TTLL5: variants seen among roughly 807,000 people sequenced by gnomAD.
TTLL5 encodes the protein tubulin polyglutamylase TTLL5.
A neutral mutation model predicts 168.4 loss-of-function variants in TTLL5; 132 were observed. That is an observed-to-expected ratio of 0.78 (90% confidence interval 0.68 to 0.91). TTLL5 has a LOEUF of 0.91. Ranked by LOEUF, TTLL5 falls within the 40% of genes least tolerant of loss-of-function variation. The pLI, the probability that TTLL5 is intolerant of heterozygous loss-of-function variation, is 0.00. For synonymous variants in TTLL5, 546 were observed against 558.6 expected, an observed-to-expected ratio of 0.98 and a Z score of 0.32; for missense variants, 1,545 against 1,581.5, an observed-to-expected ratio of 0.98 and a Z score of 0.39.
intron 30 of TTLL5, 24 bp downstream of exon 30, chr14:75,882,926 C>G: frequency 6.2e-7 from 1 of 1,608,098 alleles, no homozygotes; most frequent in Non-Finnish European, 8.5e-7. Context: ...TGTTCAATTT[C>G]TACTGAGTTT....
At chr14:75,809,937 A>T (rs1434007848) in intron 27 of TTLL5, among the ~76,000 whole-genome samples, 1 of 152,254 alleles carries the variant, frequency 6.6e-6, no homozygotes, top group East Asian at 1.9e-4. Context: ...CTATGTATAT[A>T]TGTCACATTT....
rs748507743 is a variant in TTLL5, at chr14:75,707,640, C to G, written c.673C>G (p.Arg225Gly). The G allele has an allele frequency of 6.2e-7, 1 of 1,609,440 alleles. No homozygotes were observed. Among genetic ancestry groups the G allele is most frequent in the African/African-American group, 1.3e-5 (1 of 74,198 alleles). ...LLIDDFKFDV[R>G]LYVLVTSYDP... ...TTTTTTAGATTTCAAGTTTGACGTG[C>G]GCCTCTATGTGCTCGTGACTTCCTA... is the stretch of plus-strand genomic sequence containing the variant. The change falls in exon 9 of 32, where the codon CGC becomes GGC. Residue 225 changes from arginine (R) to glycine (G), a missense_variant. Arg to Gly is a moderately radical substitution (Grantham distance 125, BLOSUM62 -2). Transcript: ENST00000298832.
At chr14:75,816,127 G>C (rs1277524735) in intron 27 of TTLL5, among the ~76,000 whole-genome samples, 1 of 152,108 alleles carries the variant, frequency 6.6e-6, no homozygotes, top group African/African-American at 2.4e-5. Context: ...TGTTACAAAG[G>C]GATTGCTTGG....
chr14:75,869,821 A>ATTTTTTTTT lies in TTLL5; in HGVS notation c.3522+5967_3522+5975dup, dbSNP rs10658095. On this transcript the variant is annotated intron_variant, in intron 29 of 31. Transcript: ENST00000298832. ...CTTGCAATGTATACATTCAACAAGT[A>ATTTTTTTTT]TTTTTTTTTTTTTTTTGCGATGGAG... is the stretch of plus-strand genomic sequence containing the variant. Among the ~76,000 whole-genome samples, 37 of 82,420 alleles carry ATTTTTTTTT rather than the reference A, an allele frequency of 4.5e-4. 10 individuals are homozygous for ATTTTTTTTT. The highest frequency in any genetic ancestry group is 1.6e-3 in the South Asian group (3 of 1,918). The allele number at this position is 82,420 out of a possible 152,430, so 54.1% of individuals were successfully genotyped here. A position where few individuals can be genotyped will look rare whatever the true frequency, so the allele number is the denominator to read the frequency against.
intron 15 of TTLL5, among the ~76,000 whole-genome samples, chr14:75,738,391 A>T (rs535550322): frequency 6.6e-6 from 1 of 152,196 alleles, no homozygotes; most frequent in Non-Finnish European, 1.5e-5. Context: ...GTACTCTCTG[A>T]TGCAATTTCT....
At chr14:75,817,566 AC>A (rs1894503863) in intron 27 of TTLL5, among the ~76,000 whole-genome samples, 1 of 152,112 alleles carries the variant, frequency 6.6e-6, no homozygotes, top group African/African-American at 2.4e-5. Flanking sequence ...GCTAAAAATG[AC>A]CTTTTTTCTT....
chr14:75,702,340 G>C (rs1886329187), intron 7 of TTLL5, among the ~76,000 whole-genome samples: 1 of 152,216 alleles, frequency 6.6e-6, no homozygotes, highest in Non-Finnish European at 1.5e-5. Flanking sequence ...TTTTCCTTCA[G>C]CTCTGTGCCA....
chr14:75,857,208 G>A (rs1442656441), intron 28 of TTLL5, among the ~76,000 whole-genome samples: 2 of 152,112 alleles, frequency 1.3e-5, no homozygotes, highest in East Asian at 3.8e-4. Context: ...AATGGGTATT[G>A]AATTTTGTCA....
At chr14:75,877,453 T>G (rs1172489993) in intron 29 of TTLL5, among the ~76,000 whole-genome samples, 2 of 152,202 alleles carry the variant, frequency 1.3e-5, no homozygotes, top group Non-Finnish European at 2.9e-5. Context: ...GGAGGGCCTT[T>G]CCAGTCTTTT....
chr14:75,871,759 T>C (rs1332768633), intron 29 of TTLL5, among the ~76,000 whole-genome samples: 2 of 152,178 alleles, frequency 1.3e-5, no homozygotes, highest in Non-Finnish European at 2.9e-5. Context: ...TCCATCCATC[T>C]GAGATGGTGG....
rs141907742 is a variant in TTLL5 at position 75,932,340 on chromosome 14, A to T, written c.3824-22084A>T. ...TTAATAAGCTAAAGATATTAACTTC[A>T]CTATATACTGATGTTAAAAAGATAA... On this transcript the variant is annotated intron_variant, in intron 31 of 31. Transcript: ENST00000298832. Among the ~76,000 whole-genome samples, 888 of 152,294 alleles carry T rather than the reference A, an allele frequency of 5.8e-3. 14 individuals are homozygous for T. Among genetic ancestry groups the T allele is most frequent in the South Asian group, 0.027 (130 of 4,830 alleles).
intron 15 of TTLL5, among the ~76,000 whole-genome samples, chr14:75,735,799 G>C (rs142496286): frequency 6.6e-6 from 1 of 152,288 alleles, no homozygotes; most frequent in African/African-American, 2.4e-5. Flanking sequence ...AATATCATTT[G>C]ATCAAGCATT....
chr14:75,777,143 A>T (rs914930412), intron 23 of TTLL5, among the ~76,000 whole-genome samples: 1 of 152,188 alleles, frequency 6.6e-6, no homozygotes, highest in African/African-American at 2.4e-5. Flanking sequence ...TGGCCTCTCC[A>T]TATCTTAGCC....
chr14:75,917,668 C>G (rs915355864), intron 31 of TTLL5, among the ~76,000 whole-genome samples: 4 of 152,242 alleles, frequency 2.6e-5, no homozygotes, highest in Non-Finnish European at 4.4e-5. Flanking sequence ...TCTGCCTCTA[C>G]TCCCCTGGGT....
In TTLL5 at chr14:75,858,313, C is replaced by G. The variant is rs569245065; in HGVS notation, c.3327-5354C>G. Among the ~76,000 whole-genome samples the G allele has an allele frequency of 7.2e-5, 11 of 152,364 alleles. No homozygotes were observed. In the South Asian group the frequency reaches 2.3e-3, roughly 32 times the overall value. Reference sequence around the variant, plus strand: ...TGGCACCAAACTGTAGTAGAAGTCACTGTATTCTTGACCACCATAGCATTT... The same window carrying G: ...TGGCACCAAACTGTAGTAGAAGTCAGTGTATTCTTGACCACCATAGCATTT... On this transcript the variant is annotated intron_variant, in intron 28 of 31. Coordinates refer to ENST00000298832, the MANE Select transcript of TTLL5 (RefSeq NM_015072.5).
chr14:75,739,167 T>A (rs1352906882), intron 15 of TTLL5, among the ~76,000 whole-genome samples: 1 of 152,114 alleles, frequency 6.6e-6, no homozygotes, highest in Non-Finnish European at 1.5e-5. Flanking sequence ...TTACATCTAG[T>A]TGCATTGCTT....
intron 31 of TTLL5, among the ~76,000 whole-genome samples, chr14:75,935,826 G>T (rs2034417842): frequency 1.3e-5 from 2 of 152,214 alleles, no homozygotes; most frequent in African/African-American, 4.8e-5. Flanking sequence ...GCAGCTGCCT[G>T]CCTCTGAGAT....
intron 5 of TTLL5, among the ~76,000 whole-genome samples, chr14:75,685,505 G>A (rs1884978826): frequency 6.6e-6 from 1 of 152,078 alleles, no homozygotes; most frequent in Non-Finnish European, 1.5e-5. Flanking sequence ...CATGCAAGAG[G>A]ATATATAGTT....
chr14:75,947,665 C>T (rs893671311), intron 31 of TTLL5, among the ~76,000 whole-genome samples: 1 of 152,110 alleles, frequency 6.6e-6, no homozygotes, highest in African/African-American at 2.4e-5. Flanking sequence ...ATTTAAGAGG[C>T]TGTGCATAGT....
Sources: allele counts gnomAD v4.1 joint callset (sites outside exome capture counted in the v4.1 genomes callset), GRCh38; gene constraint gnomAD v4.1.1; transcripts MANE v1.5; gene names NCBI Gene and HGNC (gene_info 2026-07-23, HGNC 2026-07-21).